CNTN5: variants seen among roughly 807,000 people sequenced by gnomAD.
The protein encoded by CNTN5 is contactin 5, also known as contactin-5.
In CNTN5, 77 loss-of-function variants were observed where a neutral mutation model predicts 129.1. That is an observed-to-expected ratio of 0.60 (90% CI 0.50 to 0.72). The LOEUF is 0.72. CNTN5 is among the 30% of genes least tolerant of loss of function. The pLI is 0.00. For missense variants in CNTN5, 1,478 were observed against 1,328.8 expected, an observed-to-expected ratio of 1.11 and a Z score of -1.75; for synonymous variants, 509 against 465.6, an observed-to-expected ratio of 1.09 and a Z score of -1.20.
chr11:99,446,466 T>A (rs1436333976), intron 2 of CNTN5, among the ~76,000 whole-genome samples: 1 of 152,202 alleles, frequency 6.6e-6, no homozygotes, highest in African/African-American at 2.4e-5. Flanking sequence ...TTATTATGAC[T>A]TTTACCTGCA....
chr11:100,151,435 A>G (rs896680612), intron 13 of CNTN5, among the ~76,000 whole-genome samples: 1 of 139,876 alleles, frequency 7.1e-6, no homozygotes, highest in Non-Finnish European at 1.5e-5. Context: ...AAATGAGAGT[A>G]GGAGATTATA....
chr11:99,527,132 G>C (rs1591220616), intron 2 of CNTN5, among the ~76,000 whole-genome samples: 1 of 152,200 alleles, frequency 6.6e-6, no homozygotes, highest in African/African-American at 2.4e-5. Context: ...TGAAATAGCA[G>C]AATGTTTGCT....
chr11:100,042,183 A>T (rs968348217), intron 9 of CNTN5, among the ~76,000 whole-genome samples: 2 of 151,788 alleles, frequency 1.3e-5, no homozygotes, highest in African/African-American at 2.4e-5. Flanking sequence ...TATTATGTAG[A>T]TAGTAGCAAT....
chr11:99,085,536 A>T (rs1209471355), intron 1 of CNTN5, among the ~76,000 whole-genome samples: 1 of 152,088 alleles, frequency 6.6e-6, no homozygotes, highest in Non-Finnish European at 1.5e-5. Context: ...TTATCATAAT[A>T]AAAAGAATTA....
chr11:99,131,058 C>T (rs111800007), intron 1 of CNTN5, among the ~76,000 whole-genome samples: 13,053 of 148,644 alleles, frequency 0.088, 721 homozygotes, highest in South Asian at 0.12. Context: ...GTCAGGAGAT[C>T]GAGACCATCC....
At chr11:99,209,393 G>C (rs552121351) in intron 1 of CNTN5, among the ~76,000 whole-genome samples, 7 of 152,254 alleles carry the variant, frequency 4.6e-5, no homozygotes, top group African/African-American at 1.7e-4. Flanking sequence ...GAAGGCAAAG[G>C]GGGAGTAGCT....
intron 3 of CNTN5, among the ~76,000 whole-genome samples, chr11:99,621,629 C>T (rs73540832): frequency 0.025 from 3,749 of 152,194 alleles, 165 homozygotes; most frequent in African/African-American, 0.085. Context: ...GAACATTACT[C>T]CTAATTTTTG....
intron 3 of CNTN5, among the ~76,000 whole-genome samples, chr11:99,563,605 C>A (rs184896488): frequency 6.0e-5 from 9 of 151,116 alleles, no homozygotes; most frequent in Middle Eastern, 3.2e-3. Flanking sequence ...AGGGTTAGAG[C>A]TCGGTGGTTC....
intron 3 of CNTN5, among the ~76,000 whole-genome samples, chr11:99,609,809 G>T (rs1203927359): frequency 6.6e-6 from 1 of 152,056 alleles, no homozygotes; most frequent in Non-Finnish European, 1.5e-5. Flanking sequence ...TTAGTGCTCT[G>T]GCTCAACTGT....
chr11:99,164,348 G>C (rs1860773926), intron 1 of CNTN5, among the ~76,000 whole-genome samples: 1 of 147,738 alleles, frequency 6.8e-6, no homozygotes, highest in Admixed American at 6.8e-5. Flanking sequence ...AAAAAGAGTT[G>C]CAATTGAAAA....
At chr11:99,125,714 A>T (rs764294161) in intron 1 of CNTN5, among the ~76,000 whole-genome samples, 1 of 152,298 alleles carries the variant, frequency 6.6e-6, no homozygotes, top group Admixed American at 6.5e-5. Flanking sequence ...TTGCTACAAA[A>T]ATGTTATCAC....
intron 7 of CNTN5, among the ~76,000 whole-genome samples, chr11:99,940,915 T>C (rs1950420263): frequency 6.6e-6 from 1 of 152,020 alleles, no homozygotes; most frequent in Admixed American, 6.6e-5. Flanking sequence ...ATGGTAGTCT[T>C]GATAGAAAAA....
Position 99,028,857 on chromosome 11 carries a change from G to T in CNTN5, c.-210+7587G>T, listed in dbSNP as rs146517869. ...GGAGTGGATTAACTATGAAGCCAAT[G>T]AAGCTTTGCTTATATGGCCGTTTCC... On this transcript the variant is annotated intron_variant, in intron 1 of 24. Transcript: ENST00000524871. 7.0e-3 allele frequency among the ~76,000 whole-genome samples: 1,069 copies of T among 151,930 alleles called. 14 individuals are homozygous for T. The highest frequency in any genetic ancestry group is 0.023 in the African/African-American group (956 of 41,502).
intron 1 of CNTN5, among the ~76,000 whole-genome samples, chr11:99,103,236 A>C (rs1335005162): frequency 6.6e-6 from 1 of 152,212 alleles, no homozygotes; most frequent in Non-Finnish European, 1.5e-5. Flanking sequence ...GTGGGGACAC[A>C]GCCAAACCAT....
intron 21 of CNTN5, among the ~76,000 whole-genome samples, chr11:100,328,086 C>A (rs1361811260): frequency 6.6e-6 from 1 of 152,042 alleles, no homozygotes; most frequent in East Asian, 1.9e-4. Flanking sequence ...CATGATAGCT[C>A]ACACCTGCAA....
chr11:100,122,463 A>C (rs1946057610), intron 13 of CNTN5, among the ~76,000 whole-genome samples: 1 of 152,014 alleles, frequency 6.6e-6, no homozygotes, highest in Admixed American at 6.6e-5. Context: ...CCTCACAAAC[A>C]TACCCCAAAA....
chr11:100,063,248 G>T (rs2137818706), intron 10 of CNTN5, among the ~76,000 whole-genome samples: 1 of 151,788 alleles, frequency 6.6e-6, no homozygotes, highest in Middle Eastern at 3.4e-3. Flanking sequence ...AAAAAAAATT[G>T]CTTTCACTCC....
chr11:100,345,377 T>C (rs908749754), intron 23 of CNTN5, among the ~76,000 whole-genome samples: 1 of 152,154 alleles, frequency 6.6e-6, no homozygotes, highest in Non-Finnish European at 1.5e-5. Context: ...GAAGTCCTTG[T>C]GATACAATCA....
chr11:100,275,094 A>AC (rs1476719379), intron 18 of CNTN5, among the ~76,000 whole-genome samples: 6 of 52,958 alleles, frequency 1.1e-4, no homozygotes, highest in Non-Finnish European at 2.5e-4. Flanking sequence ...AAATTAAACA[A>AC]CCAAAAAAAA....
Sources: allele counts gnomAD v4.1 joint callset (sites outside exome capture counted in the v4.1 genomes callset), GRCh38; gene constraint gnomAD v4.1.1; transcripts MANE v1.5; gene names NCBI Gene and HGNC (gene_info 2026-07-23, HGNC 2026-07-21).